Variants in FHIT observed in about 807,000 individuals in gnomAD.
FHIT encodes bis(5'-adenosyl)-triphosphatase.
A neutral mutation model predicts 17.9 loss-of-function variants in FHIT; 19 were observed. The observed-to-expected ratio is 1.06, with a 90% CI of 0.74 to 1.56. The LOEUF is 1.56. FHIT is among the 40% of genes most tolerant of loss of function. FHIT has a pLI of 0.00. For missense variants in FHIT, 248 were observed against 189.2 expected (o/e 1.31, Z -1.82); for synonymous variants, 81 against 69.7 (o/e 1.16, Z -0.81).
At chr3:60,189,711 A>T (rs760778961) in intron 5 of FHIT, among the ~76,000 whole-genome samples, 2 of 152,224 alleles carry the variant, frequency 1.3e-5, no homozygotes, top group Non-Finnish European at 2.9e-5. Flanking sequence ...TAGTAATGAC[A>T]TGAATCGTTT....
intron 5 of FHIT, among the ~76,000 whole-genome samples, chr3:60,265,454 T>C (rs1428832889): frequency 6.6e-6 from 1 of 151,874 alleles, no homozygotes; most frequent in Non-Finnish European, 1.5e-5. Context: ...GTTTAAAGTA[T>C]AAAACTTAGA....
chr3:60,185,267 C>A (rs1181563255), intron 5 of FHIT, among the ~76,000 whole-genome samples: 1 of 152,000 alleles, frequency 6.6e-6, no homozygotes, highest in African/African-American at 2.4e-5. Context: ...AAAAAAAAAT[C>A]GCATGTTTCA....
At position 61,138,476 on chromosome 3, in the gene FHIT, G is replaced by A. The variant is rs548086756; in HGVS notation, c.-164+62141C>T. 1.1e-4 allele frequency among the ~76,000 whole-genome samples: 17 copies of A among 152,356 alleles called. 1 individual carries two copies. In the South Asian group the frequency reaches 2.5e-3, roughly 22 times the overall value. On this transcript the variant is annotated intron_variant, in intron 2 of 9. Coordinates refer to ENST00000492590, the MANE Select transcript of FHIT (RefSeq NM_002012.4). ...CTGGGCCTTTTCACCTCATGGCCCT[G>A]AGCAAGGCTCGTATTTAAAACACAC... is the stretch of plus-strand genomic sequence containing the variant.
chr3:60,453,427 T>A (rs2031878630), intron 5 of FHIT, among the ~76,000 whole-genome samples: 1 of 152,202 alleles, frequency 6.6e-6, no homozygotes, highest in Admixed American at 6.6e-5. Context: ...TCATTCATTC[T>A]TTCCAATGCT....
At chr3:61,198,458 C>T (rs1057211250) in intron 2 of FHIT, among the ~76,000 whole-genome samples, 11 of 151,980 alleles carry the variant, frequency 7.2e-5, no homozygotes, top group African/African-American at 2.7e-4. Context: ...TACAGTTCCA[C>T]TAGCCTAATT....
intron 4 of FHIT, among the ~76,000 whole-genome samples, chr3:60,660,868 T>C (rs2040232111): frequency 6.6e-6 from 1 of 151,412 alleles, no homozygotes; most frequent in African/African-American, 2.4e-5. Context: ...TTGTAAATAC[T>C]AGTTCTTTGT....
intron 8 of FHIT, among the ~76,000 whole-genome samples, chr3:59,851,509 T>C (rs970705852): frequency 2.0e-5 from 3 of 152,054 alleles, no homozygotes; most frequent in African/African-American, 4.8e-5. Context: ...GCTAATGGAG[T>C]GGTAGACTTG....
intron 1 of FHIT, among the ~76,000 whole-genome samples, chr3:61,245,274 A>G (rs1015908935): frequency 6.6e-6 from 1 of 152,182 alleles, no homozygotes; most frequent in Admixed American, 6.5e-5. Context: ...TCCCTCTGCA[A>G]TAGAAATTAT....
In FHIT at chr3:61,215,068, A is replaced by T. The variant is rs538135267; in HGVS notation, c.-212-14403T>A. On this transcript the variant is annotated intron_variant, in intron 1 of 9. Transcript: ENST00000492590. ...CCAATATCATACTGAATGGGCAAAA[A>T]CTGGAAGCATTCCCTTTGAAAACTG... Among the ~76,000 whole-genome samples the T allele has an allele frequency of 3.6e-4, 54 of 151,722 alleles. No individual in the cohort carries two copies. In the South Asian group the frequency reaches 0.011, roughly 32 times the overall value.
intron 4 of FHIT, among the ~76,000 whole-genome samples, chr3:60,640,224 C>A (rs1288865730): frequency 6.6e-6 from 1 of 152,108 alleles, no homozygotes; most frequent in Admixed American, 6.5e-5. Context: ...ATGGGTGTAT[C>A]CCTCTTTTAA....
chr3:60,976,083 C>T (rs926403710), intron 3 of FHIT, among the ~76,000 whole-genome samples: 23 of 91,156 alleles, frequency 2.5e-4, no homozygotes, highest in Non-Finnish European at 3.6e-4. Context: ...TTGTATCTTT[C>T]GTTTTTCTTT....
At chr3:60,691,965 G>A (rs1167757231) in intron 4 of FHIT, among the ~76,000 whole-genome samples, 1 of 152,058 alleles carries the variant, frequency 6.6e-6, no homozygotes, top group African/African-American at 2.4e-5. Context: ...TTTTACTTTA[G>A]TTTATCATGA....
At chr3:60,813,437 T>C (rs1414431805) in intron 4 of FHIT, among the ~76,000 whole-genome samples, 1 of 152,154 alleles carries the variant, frequency 6.6e-6, no homozygotes, top group East Asian at 1.9e-4. Context: ...TAATGCCTGT[T>C]CTGGTGCATA....
chr3:60,733,665 C>T (rs2042078353), intron 4 of FHIT, among the ~76,000 whole-genome samples: 1 of 152,108 alleles, frequency 6.6e-6, no homozygotes, highest in Non-Finnish European at 1.5e-5. Context: ...TCCTCATTAC[C>T]AAACTGTTTT....
intron 5 of FHIT, among the ~76,000 whole-genome samples, chr3:60,022,585 G>A (rs141414040): frequency 2.8e-4 from 42 of 152,284 alleles, no homozygotes; most frequent in African/African-American, 9.4e-4. Context: ...TCTGAGCATC[G>A]TGGTCACAGT....
At chr3:60,081,260 C>T (rs760531145) in intron 5 of FHIT, among the ~76,000 whole-genome samples, 19 of 152,032 alleles carry the variant, frequency 1.2e-4, no homozygotes, top group Admixed American at 2.6e-4. Flanking sequence ...ATTTTATATA[C>T]GTTTTGGGGG....
chr3:60,485,358 G>T (rs1489064641), intron 5 of FHIT, among the ~76,000 whole-genome samples: 2 of 152,142 alleles, frequency 1.3e-5, no homozygotes, highest in Non-Finnish European at 2.9e-5. Context: ...GCACACTTAT[G>T]TTTAGTGCAG....
rs1235907121 is a variant in FHIT, at chr3:60,343,629, T to C, written c.103+193231A>G. Among the ~76,000 whole-genome samples the C allele has an allele frequency of 2.0e-5, 3 of 152,292 alleles. No individual in the cohort carries two copies. In the South Asian group the frequency reaches 6.2e-4, roughly 32 times the overall value. Reference sequence around the variant, plus strand: ...ATCATGCCCTTTGAAACCTAATTAATAATGTTTCATTTTTAAGATGATAGT... The same window carrying C: ...ATCATGCCCTTTGAAACCTAATTAACAATGTTTCATTTTTAAGATGATAGT... On this transcript the variant is annotated intron_variant, in intron 5 of 9. Transcript: ENST00000492590.
intron 4 of FHIT, among the ~76,000 whole-genome samples, chr3:60,787,461 G>A (rs1553727279): frequency 6.6e-6 from 1 of 152,180 alleles, no homozygotes; most frequent in Non-Finnish European, 1.5e-5. Context: ...GTTGTAATTA[G>A]GTAATTATTT....
Sources: allele counts gnomAD v4.1 joint callset (sites outside exome capture counted in the v4.1 genomes callset), GRCh38; gene constraint gnomAD v4.1.1; transcripts MANE v1.5; gene names NCBI Gene and HGNC (gene_info 2026-07-23, HGNC 2026-07-21).